CEP192: variants seen among roughly 807,000 people sequenced by gnomAD.
CEP192 encodes the protein centrosomal protein of 192 kDa.
A neutral mutation model predicts 271.8 loss-of-function variants in CEP192; 151 were observed. The ratio of observed to expected loss-of-function variants is 0.56; its 90% CI spans 0.49 to 0.64. CEP192 has a LOEUF of 0.64. CEP192 is among the 30% of genes least tolerant of loss of function. CEP192 has a pLI of 0.00. For missense variants in CEP192, 2,910 were observed against 3,020.5 expected (o/e 0.96, Z 0.86); for synonymous variants, 995 against 1,076.5 (o/e 0.92, Z 1.48).
Position 13,069,179 on chromosome 18 carries a change from A to C in CEP192, c.5053A>C (p.Lys1685Gln). 19 of 1,612,604 alleles carry C rather than the reference A, an allele frequency of 1.2e-5. No homozygotes were observed. Among genetic ancestry groups the C allele is most frequent in the Non-Finnish European group, 1.6e-5 (19 of 1,178,592 alleles). Reference protein sequence around the residue: ...AGNIEVYLDIKVPEQGSHFSV... With the variant: ...AGNIEVYLDIQVPEQGSHFSV... ...GAACATTGAAGTTTATTTGGATATC[A>C]AGGTATGCACTTCCATGAGAGTGCC... is the stretch of plus-strand genomic sequence containing the variant. Residue 1685 changes from lysine to glutamine, a missense_variant and splice_region_variant, in exon 26 of 45, where the codon AAG becomes CAG. Physicochemically the swap from Lys to Gln is moderately conservative, Grantham distance 53 (BLOSUM62 1). Transcript: ENST00000506447.
chr18:13,049,950 A>AG (rs2036688295), intron 17 of CEP192, 59 bp downstream of exon 17: 2 of 1,267,408 alleles, frequency 1.6e-6, no homozygotes, highest in Non-Finnish European at 2.1e-6. Flanking sequence ...AGGAACTGGG[A>AG]AAAAAATGTG....
At chr18:13,109,176 A>G (rs1239299587) in intron 40 of CEP192, among the ~76,000 whole-genome samples, 1 of 152,252 alleles carries the variant, frequency 6.6e-6, no homozygotes, top group Non-Finnish European at 1.5e-5. Flanking sequence ...GGATGAAGAA[A>G]TGGTGGATTG....
At chr18:13,110,878 C>A (rs558529803) in intron 40 of CEP192, among the ~76,000 whole-genome samples, 2 of 152,314 alleles carry the variant, frequency 1.3e-5, no homozygotes, top group African/African-American at 2.4e-5. Context: ...GCATCCAGCA[C>A]GGGATAAAAA....
Position 12,999,437 on chromosome 18 carries a change from C to A in CEP192, c.13C>A (p.Arg5=). The A allele has an allele frequency of 6.5e-7, 1 of 1,542,688 alleles. No homozygotes were observed. Among genetic ancestry groups the A allele is most frequent in the Non-Finnish European group, 8.7e-7 (1 of 1,143,676 alleles). The part of the protein sequence containing the change: MEDF[R]GIAEESFPSF... ...TTATTGCAGTGAGATGGAAGATTTTCGAGGTATAGCAGAAGAATCATTTCC... is the reference window on the plus strand; with the variant it reads ...TTATTGCAGTGAGATGGAAGATTTTAGAGGTATAGCAGAAGAATCATTTCC... Residue 5 remains arginine, a synonymous_variant, in exon 2 of 45, where the codon CGA becomes AGA. Transcript: ENST00000506447.
At chr18:13,030,351 C>A in intron 10 of CEP192, 114 bp from the exon 11 acceptor site, 1 of 924,808 alleles carries the variant, frequency 1.1e-6, no homozygotes, top group Non-Finnish European at 1.6e-6. Context: ...CTTTGGCAAA[C>A]TTCAGTACTG....
chr18:13,057,065 C>T lies in CEP192; in HGVS notation c.4108+367C>T, dbSNP rs9948292. On this transcript the variant is annotated intron_variant, in intron 19 of 44. Coordinates refer to ENST00000506447, the MANE Select transcript of CEP192 (RefSeq NM_032142.4). ...TGCTGTGGTGGAGAGGCAGCACTCT[C>T]GGGTGCATTTGTGGGGCAGCTTCTC... Among the ~76,000 whole-genome samples, 571 of 152,226 alleles carry T rather than the reference C, an allele frequency of 3.8e-3. 2 individuals are homozygous for T. The highest frequency in any genetic ancestry group is 0.013 in the African/African-American group (547 of 41,524).
At chr18:13,083,462 C>T (rs1435788647) in intron 30 of CEP192, among the ~76,000 whole-genome samples, 1 of 152,188 alleles carries the variant, frequency 6.6e-6, no homozygotes, top group African/African-American at 2.4e-5. Flanking sequence ...TTTTCAGCTC[C>T]ATCAGGTCAT....
At chr18:13,119,927 C>T (rs2145150406) in intron 44 of CEP192, among the ~76,000 whole-genome samples, 1 of 152,300 alleles carries the variant, frequency 6.6e-6, no homozygotes, top group South Asian at 2.1e-4. Flanking sequence ...GGCTTTATGT[C>T]ACTGTTCTCC....
intron 17 of CEP192, 21 bp downstream of exon 17, chr18:13,049,912 T>C: frequency 1.3e-6 from 2 of 1,591,886 alleles, no homozygotes; most frequent in Non-Finnish European, 1.7e-6. Flanking sequence ...ACCTTCTTTT[T>C]TAAAAAATAA....
intron 2 of CEP192, chr18:13,000,226 G>C (rs2033555210): frequency 7.4e-6 from 1 of 135,868 alleles, no homozygotes; most frequent in Non-Finnish European, 1.5e-5. Context: ...CCAAAGTGTT[G>C]GTATTACACA....
rs1203817105 is a variant in CEP192, at chr18:13,002,477, C to A, written c.290+895C>A. On this transcript the variant is annotated intron_variant, in intron 3 of 44. Transcript: ENST00000506447. Reference sequence around the variant, plus strand: ...AAGGTAATGAACTTCCCTACATGTACATTTATATATACATTTTTCGCACCT... The same window carrying A: ...AAGGTAATGAACTTCCCTACATGTAAATTTATATATACATTTTTCGCACCT... 2.0e-5 allele frequency among the ~76,000 whole-genome samples: 3 copies of A among 152,180 alleles called. No individual in the cohort carries two copies. The East Asian group carries it at 5.8e-4, about 29-fold the overall frequency.
At position 13,067,883 on chromosome 18, in the gene CEP192, G is replaced by T; in HGVS notation, c.4541G>T (p.Gly1514Val). The T allele has an allele frequency of 6.2e-7, 1 of 1,612,878 alleles. No homozygotes were observed. Among genetic ancestry groups the T allele is most frequent in the South Asian group, 1.1e-5 (1 of 91,050 alleles). Reference protein sequence around the residue: ...VLDFGDLTYGGWKALPLKLIN... With the variant: ...VLDFGDLTYGVWKALPLKLIN... ...GATTTTGGTGACTTGACTTATGGAG[G>T]CTGGAAAGCCCTCCCACTAAAATTG... Residue 1514 changes from glycine to valine, a missense_variant, in exon 22 of 45, where the codon GGC (glycine) becomes GTC (valine). By Grantham distance (109) the Gly-to-Val change is moderately radical (BLOSUM62 -3). Transcript: ENST00000506447.
intron 40 of CEP192, among the ~76,000 whole-genome samples, chr18:13,109,272 C>T (rs1457638227): frequency 6.6e-6 from 1 of 152,112 alleles, no homozygotes; most frequent in African/African-American, 2.4e-5. Flanking sequence ...AGGCGATTAT[C>T]CTAAATGAAT....
chr18:13,042,719 A>G (rs1293009709), intron 15 of CEP192, among the ~76,000 whole-genome samples: 4 of 152,328 alleles, frequency 2.6e-5, no homozygotes, highest in African/African-American at 9.6e-5. Flanking sequence ...TGTGGCATGT[A>G]TTCCTTTTCT....
In CEP192 at chr18:13,087,079, T is replaced by C. The variant is rs1568396206; in HGVS notation, c.5679T>C (p.Ser1893=). Residue 1893 remains serine, a synonymous_variant, in exon 31 of 45, where the codon TCT becomes TCC. Transcript: ENST00000506447. ...NLILEGVKKL[S]DSYMVTVNGL... ...TTTTGGAAGGCGTTAAAAAATTATCTGACAGTTACATGGTAACAGTGAATG... is the reference window on the plus strand; with the variant it reads ...TTTTGGAAGGCGTTAAAAAATTATCCGACAGTTACATGGTAACAGTGAATG... The C allele has an allele frequency of 3.7e-6, 6 of 1,613,444 alleles. No homozygotes were observed. Among genetic ancestry groups the C allele is most frequent in the Non-Finnish European group, 5.1e-6 (6 of 1,179,408 alleles).
intron 21 of CEP192, among the ~76,000 whole-genome samples, chr18:13,062,818 G>A (rs2037480180): frequency 6.6e-6 from 1 of 152,114 alleles, no homozygotes; most frequent in Admixed American, 6.5e-5. Context: ...CAAATAGTAG[G>A]TCTTAATTCA....
At chr18:13,031,580 GGAA>G (rs2035635182) in intron 11 of CEP192, among the ~76,000 whole-genome samples, 4 of 152,096 alleles carry the variant, frequency 2.6e-5, no homozygotes, top group Admixed American at 1.3e-4. Flanking sequence ...TTGCGCCAGA[GGAA>G]GAAGTTATCC....
intron 1 of CEP192, among the ~76,000 whole-genome samples, chr18:12,994,521 ATAAT>A (rs1328364151): frequency 3.9e-5 from 6 of 152,058 alleles, no homozygotes; most frequent in African/African-American, 1.4e-4. Flanking sequence ...TGCTTCTTGG[ATAAT>A]TAATTGTAGG....
intron 9 of CEP192, among the ~76,000 whole-genome samples, chr18:13,021,400 A>C (rs2143261419): frequency 6.6e-6 from 1 of 152,254 alleles, no homozygotes; most frequent in Middle Eastern, 3.4e-3. Context: ...TGGTCTTGGC[A>C]CTTTTGTCAG....
Sources: allele counts gnomAD v4.1 joint callset (sites outside exome capture counted in the v4.1 genomes callset), GRCh38; gene constraint gnomAD v4.1.1; transcripts MANE v1.5; gene names NCBI Gene and HGNC (gene_info 2026-07-23, HGNC 2026-07-21).